Variants in COL11A1 observed in about 807,000 individuals in gnomAD.
COL11A1 encodes the protein collagen alpha-1(XI) chain.
A neutral mutation model predicts 265.2 loss-of-function variants in COL11A1; 74 were observed. The observed-to-expected ratio is 0.28, with a 90% CI of 0.23 to 0.34. The LOEUF is 0.34. Among genes scored for constraint, COL11A1 ranks in the 10% least tolerant of loss-of-function variants. The pLI, the probability that COL11A1 is intolerant of heterozygous loss-of-function variation, is 1.00. For missense variants in COL11A1, 2,165 were observed against 2,263.6 expected (o/e 0.96, Z 0.88); for synonymous variants, 816 against 727.6 (o/e 1.12, Z -1.96).
rs559535590 is a variant in COL11A1 at position 102,936,744 on chromosome 1, A to G, written c.3439-1631T>C. 2.3e-4 allele frequency among the ~76,000 whole-genome samples: 35 copies of G among 152,324 alleles called. No individual in the cohort carries two copies. The South Asian group carries it at 6.6e-3, about 29-fold the overall frequency. On this transcript the variant is annotated intron_variant, in intron 44 of 66. Coordinates refer to ENST00000370096, the MANE Select transcript of COL11A1 (RefSeq NM_001854.4). ...TGAAACATAGTCATCAACGTGCAAG[A>G]TAGAGCAGTGGAATATAATGTAATA...
chr1:102,882,132 G>A (rs1650325743), intron 64 of COL11A1, among the ~76,000 whole-genome samples: 1 of 151,742 alleles, frequency 6.6e-6, no homozygotes, highest in Non-Finnish European at 1.5e-5. Flanking sequence ...AAGCAAGGCA[G>A]GTACCATCTT....
chr1:102,889,640 A>T, intron 58 of COL11A1, 78 bp from the exon 59 acceptor site: 2 of 1,026,634 alleles, frequency 1.9e-6, no homozygotes, highest in Admixed American at 3.8e-5. Context: ...ATATTTGCAC[A>T]TTAAATTTCT....
chr1:102,904,047 G>A (rs1017924111), intron 54 of COL11A1, among the ~76,000 whole-genome samples: 1 of 151,968 alleles, frequency 6.6e-6, no homozygotes, highest in Non-Finnish European at 1.5e-5. Flanking sequence ...TTTTTTTGTA[G>A]AGACAGGGTT....
intron 4 of COL11A1, among the ~76,000 whole-genome samples, chr1:103,065,471 G>C (rs1571197446): frequency 8.0e-6 from 1 of 124,910 alleles, no homozygotes; most frequent in South Asian, 2.8e-4. Context: ...AATGAGCCCA[G>C]ATCGCGCCAC....
chr1:103,068,736 T>C lies in COL11A1; in HGVS notation c.651+5882A>G, dbSNP rs561320784. 5.9e-5 allele frequency among the ~76,000 whole-genome samples: 9 copies of C among 151,446 alleles called. No individual in the cohort carries two copies. The East Asian group carries it at 1.5e-3, about 26-fold the overall frequency. On this transcript the variant is annotated intron_variant, in intron 4 of 66. Transcript: ENST00000370096. ...AACTAATAAATGAATTTAACAAGGC[T>C]ATAGGATACAAGGTTAATATAAAAA... is the stretch of plus-strand genomic sequence containing the variant.
chr1:103,031,085 C>A (rs369970733), intron 5 of COL11A1, 31 bp downstream of exon 5: 1 of 1,611,734 alleles, frequency 6.2e-7, no homozygotes, highest in Admixed American at 1.7e-5. Context: ...CACTGAAATA[C>A]GAAGACCTTC....
chr1:103,079,574 C>G (rs1672240637), intron 2 of COL11A1, among the ~76,000 whole-genome samples: 1 of 151,860 alleles, frequency 6.6e-6, no homozygotes, highest in Non-Finnish European at 1.5e-5. Flanking sequence ...TAAACAATTA[C>G]CCTAAGTATA....
At chr1:103,008,813 C>T (rs1665868524) in intron 14 of COL11A1, among the ~76,000 whole-genome samples, 1 of 152,154 alleles carries the variant, frequency 6.6e-6, no homozygotes, top group Non-Finnish European at 1.5e-5. Context: ...ACTATCAGAA[C>T]TCATATGATG....
chr1:103,047,014 T>C (rs983899148), intron 4 of COL11A1, among the ~76,000 whole-genome samples: 1 of 152,164 alleles, frequency 6.6e-6, no homozygotes, highest in Non-Finnish European at 1.5e-5. Flanking sequence ...TGTAGCCTTG[T>C]AGTATAGTTT....
rs188045535 is a variant in COL11A1 at position 102,934,441 on chromosome 1, C to T, written c.3600+8G>A. 1.4e-4 allele frequency: 216 copies of T among 1,584,272 alleles called. No homozygotes were observed. Among genetic ancestry groups the T allele is most frequent in the Non-Finnish European group, 1.8e-4 (204 of 1,152,786 alleles). On this transcript the variant is annotated splice_region_variant and intron_variant, in intron 46 of 66. Coordinates refer to ENST00000370096, the MANE Select transcript of COL11A1 (RefSeq NM_001854.4). Reference sequence around the variant, plus strand: ...ATGATGGAGTAAACAATGACAGGATCATCTTACCTGAAGACCTATTGGACC... The same window carrying T: ...ATGATGGAGTAAACAATGACAGGATTATCTTACCTGAAGACCTATTGGACC...
intron 1 of COL11A1, among the ~76,000 whole-genome samples, chr1:103,103,241 CTAT>C (rs1340991579): frequency 6.6e-6 from 1 of 151,906 alleles, no homozygotes; most frequent in Non-Finnish European, 1.5e-5. Context: ...AAAAGTCATA[CTAT>C]ATGTATACAT....
chr1:102,986,825 G>A (rs574099473), intron 30 of COL11A1, among the ~76,000 whole-genome samples: 104 of 152,076 alleles, frequency 6.8e-4, no homozygotes, highest in African/African-American at 2.3e-3. Flanking sequence ...ATAATGCCCC[G>A]TGTCTCTCAA....
At chr1:102,994,780 G>C (rs1312928331) in intron 28 of COL11A1, among the ~76,000 whole-genome samples, 1 of 152,058 alleles carries the variant, frequency 6.6e-6, no homozygotes, top group South Asian at 2.1e-4. Flanking sequence ...GTATTAGTCC[G>C]CTTTTACATT....
intron 30 of COL11A1, among the ~76,000 whole-genome samples, chr1:102,984,629 C>A (rs1265526550): frequency 6.6e-6 from 1 of 151,746 alleles, no homozygotes. Flanking sequence ...TTTCATTTAC[C>A]CCAGTCTAAA....
chr1:102,946,861 C>A lies in COL11A1; in HGVS notation c.3264G>T (p.Glu1088Asp). 6.2e-7 allele frequency: 1 copy of A among 1,613,344 alleles called. No homozygotes were observed. The highest frequency in any genetic ancestry group is 8.5e-7 in the Non-Finnish European group (1 of 1,179,662). ...GPQGPPGPAGEKGAPGEKGPQ... is the reference protein window; with the variant it reads ...GPQGPPGPAGDKGAPGEKGPQ... ...AGACATTACTTACAGGAGCACCTTT[C>A]TCTCCAGCTGGACCAGGAGGACCCT... The change falls in exon 42 of 67, where the codon GAG (glutamate) becomes GAT (aspartate). Residue 1088 changes from glutamate (E) to aspartate (D), a missense_variant. Glu to Asp is a conservative substitution (Grantham distance 45). Coordinates refer to ENST00000370096, the MANE Select transcript of COL11A1 (RefSeq NM_001854.4).
intron 4 of COL11A1, among the ~76,000 whole-genome samples, chr1:103,053,798 A>G (rs1257935036): frequency 6.6e-6 from 1 of 152,234 alleles, no homozygotes; most frequent in African/African-American, 2.4e-5. Context: ...AAAATCTAAC[A>G]AATGCTCAAC....
In COL11A1 at chr1:102,879,900, A is replaced by G. The variant is rs1224243338; in HGVS notation, c.5057T>C (p.Val1686Ala). ...KRGKLLSYLD[V>A]EGNSINMVQM... ...CACCATATTGATGGAATTTCCTTCA[A>G]CATCTAAGTATGAAAGCTAGGAATA... Residue 1686 changes from valine to alanine, a missense_variant, in exon 66 of 67, where the codon GTT becomes GCT. Coordinates refer to ENST00000370096, the MANE Select transcript of COL11A1 (RefSeq NM_001854.4). 1 of 1,611,838 alleles carries G rather than the reference A, an allele frequency of 6.2e-7. No homozygotes were observed.
At chr1:102,963,049 A>G (rs927024154) in intron 38 of COL11A1, among the ~76,000 whole-genome samples, 3 of 152,204 alleles carry the variant, frequency 2.0e-5, no homozygotes, top group Non-Finnish European at 4.4e-5. Context: ...GAGTGTGGCC[A>G]GTCCAAGTAT....
At position 102,888,646 on chromosome 1, in the gene COL11A1, G is replaced by C. The variant is rs755033653; in HGVS notation, c.4555-16C>G. The C allele has an allele frequency of 4.3e-6, 7 of 1,613,840 alleles. No homozygotes were observed. Among genetic ancestry groups the C allele is most frequent in the Non-Finnish European group, 5.9e-6 (7 of 1,179,812 alleles). ...CAGCGGGTCCCTGTTAGAAAGAAGA[G>C]AGAGGACATAAATAAAGAAGAGGCA... On this transcript the variant is annotated splice_polypyrimidine_tract_variant and intron_variant, in intron 61 of 66. Coordinates refer to ENST00000370096, the MANE Select transcript of COL11A1 (RefSeq NM_001854.4).
Sources: allele counts gnomAD v4.1 joint callset (sites outside exome capture counted in the v4.1 genomes callset), GRCh38; gene constraint gnomAD v4.1.1; transcripts MANE v1.5; gene names NCBI Gene and HGNC (gene_info 2026-07-23, HGNC 2026-07-21).